Variants in TMEM117 observed in about 807,000 individuals in gnomAD.
TMEM117 encodes the protein transmembrane protein 117.
TMEM117 carries 27 observed loss-of-function variants against 52.4 expected under a neutral mutation model. That is an observed-to-expected ratio of 0.51 (90% CI 0.38 to 0.71). TMEM117 has a LOEUF of 0.71. TMEM117 is among the 30% of genes least tolerant of loss of function. The pLI, the probability that TMEM117 is intolerant of heterozygous loss-of-function variation, is 0.00. For synonymous variants in TMEM117, 215 were observed against 206.3 expected, an observed-to-expected ratio of 1.04 and a Z score of -0.36; for missense variants, 556 against 630.5, an observed-to-expected ratio of 0.88 and a Z score of 1.26.
In TMEM117 at chr12:44,134,107, T is replaced by G. The variant is rs1268439925; in HGVS notation, c.411-9418T>G. On this transcript the variant is annotated intron_variant, in intron 3 of 7. Transcript: ENST00000266534. ...AGTTAAGTGATGTCAAATCTAGCTT[T>G]TCATCTATTCAGTCCACAGATATTC... Among the ~76,000 whole-genome samples the G allele has an allele frequency of 3.9e-5, 6 of 152,342 alleles. No individual in the cohort carries two copies. In the East Asian group the frequency reaches 1.2e-3, roughly 29 times the overall value.
rs150733116 is a variant in TMEM117 at position 44,068,634 on chromosome 12, T to A, written c.411-74891T>A. 2.4e-3 allele frequency among the ~76,000 whole-genome samples: 367 copies of A among 152,276 alleles called. 3 individuals carry two copies. The highest frequency in any genetic ancestry group is 8.4e-3 in the African/African-American group (349 of 41,550). ...AGTTCACTTTCTTAAATAGGTGTGGTTTGTGGTGCTCCAAAATAATTGCAA... is the reference window on the plus strand; with the variant it reads ...AGTTCACTTTCTTAAATAGGTGTGGATTGTGGTGCTCCAAAATAATTGCAA... On this transcript the variant is annotated intron_variant, in intron 3 of 7. Transcript: ENST00000266534.
At chr12:44,369,395 A>G (rs1322340228) in intron 6 of TMEM117, among the ~76,000 whole-genome samples, 4 of 152,194 alleles carry the variant, frequency 2.6e-5, no homozygotes, top group Non-Finnish European at 5.9e-5. Flanking sequence ...GTAACAGACT[A>G]TATACTTACT....
chr12:44,041,492 ATT>A (rs1555196188), intron 3 of TMEM117, among the ~76,000 whole-genome samples: 1 of 151,676 alleles, frequency 6.6e-6, no homozygotes, highest in Non-Finnish European at 1.5e-5. Context: ...TCCAACTTTT[ATT>A]TTAGGCTTAG....
chr12:43,916,958 T>C (rs1944614401), intron 2 of TMEM117, among the ~76,000 whole-genome samples: 1 of 152,148 alleles, frequency 6.6e-6, no homozygotes, highest in Admixed American at 6.5e-5. Context: ...CATGTTAAGG[T>C]TGCAGCCTCC....
chr12:43,917,683 A>G (rs1944628554), intron 2 of TMEM117, among the ~76,000 whole-genome samples: 2 of 152,158 alleles, frequency 1.3e-5, no homozygotes, highest in African/African-American at 4.8e-5. Context: ...ATTGGGGTTC[A>G]TAATTCTTAC....
intron 3 of TMEM117, among the ~76,000 whole-genome samples, chr12:43,978,849 C>T (rs1426236117): frequency 1.3e-5 from 2 of 151,758 alleles, no homozygotes; most frequent in African/African-American, 2.4e-5. Flanking sequence ...GGTATGTGAG[C>T]AAAAATCTCA....
Position 43,946,378 on chromosome 12 carries a change from G to GT in TMEM117, c.410+2052dup, listed in dbSNP as rs1244597058. Among the ~76,000 whole-genome samples, 323 of 113,352 alleles carry GT rather than the reference G, an allele frequency of 2.8e-3. 2 individuals carry two copies. The highest frequency in any genetic ancestry group is 0.011 in the African/African-American group (276 of 25,430). 74.4% of individuals were successfully genotyped at this position (113,352 alleles called of 152,430 possible). A position where few individuals can be genotyped will look rare whatever the true frequency, so the allele number is the denominator to read the frequency against. On this transcript the variant is annotated intron_variant, in intron 3 of 7. Transcript: ENST00000266534. ...AGAAGCTGACTTTTGATATAATTCT[G>GT]TTTTTTTTTTTTTTTTGTTTGTTTT...
the TMEM117 span, among the ~76,000 whole-genome samples, chr12:43,798,022 C>T: frequency 6.6e-6 from 1 of 152,066 alleles, no homozygotes; most frequent in African/African-American, 2.4e-5. Context: ...CACATCTTTA[C>T]GACAATGTTG....
chr12:44,223,402 A>G (rs1565609504), intron 5 of TMEM117, among the ~76,000 whole-genome samples: 2 of 146,434 alleles, frequency 1.4e-5, no homozygotes, highest in Admixed American at 6.9e-5. Flanking sequence ...ACCAGACCTT[A>G]CTCAACCCCC....
intron 3 of TMEM117, among the ~76,000 whole-genome samples, chr12:43,975,771 C>T (rs1303968003): frequency 6.6e-6 from 1 of 152,136 alleles, no homozygotes; most frequent in African/African-American, 2.4e-5. Context: ...TGCTTTTATC[C>T]ATTAAACAAA....
chr12:44,314,110 T>A (rs1031609267), intron 6 of TMEM117, among the ~76,000 whole-genome samples: 2 of 152,210 alleles, frequency 1.3e-5, no homozygotes, highest in African/African-American at 4.8e-5. Flanking sequence ...CTTGCCTGAT[T>A]GCTCTGGCTA....
intron 3 of TMEM117, among the ~76,000 whole-genome samples, chr12:44,003,870 G>T (rs1389454358): frequency 6.6e-6 from 1 of 152,148 alleles, no homozygotes; most frequent in Non-Finnish European, 1.5e-5. Flanking sequence ...GACATGAGTA[G>T]TCAGGATGCA....
intron 3 of TMEM117, among the ~76,000 whole-genome samples, chr12:44,097,874 A>T (rs927593192): frequency 6.6e-6 from 1 of 152,000 alleles, no homozygotes; most frequent in Non-Finnish European, 1.5e-5. Context: ...ATAAAATAAA[A>T]TAAAATAAAA....
chr12:44,264,814 A>T (rs557446934), intron 5 of TMEM117, among the ~76,000 whole-genome samples: 1 of 152,292 alleles, frequency 6.6e-6, no homozygotes, highest in Non-Finnish European at 1.5e-5. Flanking sequence ...TTGAAAATAA[A>T]TAATAATAAT....
At chr12:44,185,606 C>T (rs1949266349) in intron 4 of TMEM117, among the ~76,000 whole-genome samples, 1 of 152,038 alleles carries the variant, frequency 6.6e-6, no homozygotes, top group South Asian at 2.1e-4. Context: ...ATATTGTATA[C>T]ATATTATTTA....
At chr12:43,961,218 A>G (rs1645214031) in intron 3 of TMEM117, among the ~76,000 whole-genome samples, 1 of 152,200 alleles carries the variant, frequency 6.6e-6, no homozygotes, top group African/African-American at 2.4e-5. Context: ...ATAAAAACAG[A>G]AAACATATAT....
At chr12:44,043,497 G>T (rs1565804860) in intron 3 of TMEM117, among the ~76,000 whole-genome samples, 1 of 152,054 alleles carries the variant, frequency 6.6e-6, no homozygotes, top group Non-Finnish European at 1.5e-5. Context: ...TTGCCATAAG[G>T]AACAGCTGCC....
intron 5 of TMEM117, among the ~76,000 whole-genome samples, chr12:44,222,249 C>T (rs11613444): frequency 0.11 from 16,134 of 152,128 alleles, 947 homozygotes; most frequent in Middle Eastern, 0.2. Context: ...CTGCTGGGAC[C>T]TAAAGGGTCT....
At chr12:43,948,841 C>T (rs1945175576) in intron 3 of TMEM117, among the ~76,000 whole-genome samples, 1 of 151,868 alleles carries the variant, frequency 6.6e-6, no homozygotes, top group Admixed American at 6.6e-5. Context: ...AGGAAAAATC[C>T]CAGAGGACAA....
Sources: gnomAD v4.1 joint callset for allele counts (sites outside exome capture counted in the v4.1 genomes callset) on GRCh38, gnomAD v4.1.1 for gene constraint, MANE v1.5 for transcripts, NCBI Gene and HGNC (gene_info 2026-07-23, HGNC 2026-07-21) for gene names.